ACOT12: variants seen among roughly 807,000 people sequenced by gnomAD.
The protein encoded by ACOT12 is acetyl-coenzyme A thioesterase.
In ACOT12, 51 loss-of-function variants were observed where a neutral mutation model predicts 67.7. That is an observed-to-expected ratio of 0.75 (90% confidence interval 0.60 to 0.95). The LOEUF (loss-of-function observed/expected upper bound fraction) is 0.95, where lower values mean the gene tolerates loss of function less well. Among genes scored for constraint, ACOT12 ranks in the 40% least tolerant of loss-of-function variants. The pLI is 0.00. For synonymous variants in ACOT12, 251 were observed against 244.6 expected, an observed-to-expected ratio of 1.03 and a Z score of -0.24; for missense variants, 734 against 708.1, an observed-to-expected ratio of 1.04 and a Z score of -0.41.
chr5:81,353,220 G>A lies in ACOT12; in HGVS notation c.497-5290C>T, dbSNP rs566713031. 1.1e-4 allele frequency among the ~76,000 whole-genome samples: 17 copies of A among 152,300 alleles called. No homozygotes were observed. The South Asian group carries it at 3.1e-3, about 28-fold the overall frequency. On this transcript the variant is annotated intron_variant, in intron 5 of 14. Coordinates refer to ENST00000307624, the MANE Select transcript of ACOT12 (RefSeq NM_130767.3). The stretch of plus-strand genomic sequence containing the variant: ...CGTGCACCAGCATCAGCTATGATAC[G>A]TATGCAGAAATATATTGAGTTAGAT...
At chr5:81,319,904 A>T in the ACOT12 span, among the ~76,000 whole-genome samples, 37 of 148,398 alleles carry the variant, frequency 2.5e-4, no homozygotes, top group East Asian at 4.4e-3. Flanking sequence ...AAACCTTTTT[A>T]AAAAATATCA....
intron 10 of ACOT12, among the ~76,000 whole-genome samples, chr5:81,343,060 T>C (rs899242852): frequency 6.6e-6 from 1 of 152,122 alleles, no homozygotes; most frequent in African/African-American, 2.4e-5. Flanking sequence ...TGCAAACTTG[T>C]AATCCCAGCT....
chr5:81,358,007 C>CAAAAAAAAAAA (rs777333534), intron 5 of ACOT12, among the ~76,000 whole-genome samples: 1 of 71,038 alleles, frequency 1.4e-5, no homozygotes, highest in Non-Finnish European at 2.9e-5. Flanking sequence ...CCCCATCTCA[C>CAAAAAAAAAAA]AAAAAAAAAA....
chr5:81,343,790 T>C (rs916682183), intron 10 of ACOT12, 28 bp downstream of exon 10: 1 of 1,608,498 alleles, frequency 6.2e-7, no homozygotes, highest in African/African-American at 1.3e-5. Context: ...GACTTTTATA[T>C]GAAGAGCTCC....
At chr5:81,349,215 A>G (rs1759478819) in intron 5 of ACOT12, among the ~76,000 whole-genome samples, 2 of 152,100 alleles carry the variant, frequency 1.3e-5, no homozygotes, top group Non-Finnish European at 2.9e-5. Context: ...TCCTAATGTA[A>G]TTTTTAGATT....
chr5:81,385,126 C>A (rs1183647310), intron 2 of ACOT12, among the ~76,000 whole-genome samples: 1 of 151,974 alleles, frequency 6.6e-6, no homozygotes, highest in East Asian at 1.9e-4. Context: ...ATTAATTATT[C>A]TTCTAGTACA....
chr5:81,357,127 C>G (rs574220787), intron 5 of ACOT12, among the ~76,000 whole-genome samples: 1 of 152,122 alleles, frequency 6.6e-6, no homozygotes, highest in Non-Finnish European at 1.5e-5. Context: ...CTCACTGCTA[C>G]GCAATTCCTC....
intron 6 of ACOT12, among the ~76,000 whole-genome samples, chr5:81,347,390 T>A (rs931042760): frequency 2.6e-5 from 4 of 152,184 alleles, no homozygotes; most frequent in Non-Finnish European, 5.9e-5. Context: ...GGATTATAGG[T>A]GTGAGCCACC....
chr5:81,352,921 T>G (rs1580553126), intron 5 of ACOT12, among the ~76,000 whole-genome samples: 1 of 152,200 alleles, frequency 6.6e-6, no homozygotes, highest in South Asian at 2.1e-4. Flanking sequence ...AGGTGGGAAG[T>G]GAGACGGTAG....
chr5:81,324,696 AT>A, the ACOT12 span, among the ~76,000 whole-genome samples: 1 of 152,184 alleles, frequency 6.6e-6, no homozygotes, highest in African/African-American at 2.4e-5. Context: ...GGAATTAGTG[AT>A]GTAGGAGGGA....
At chr5:81,358,574 G>A (rs931704786) in intron 5 of ACOT12, among the ~76,000 whole-genome samples, 5 of 152,204 alleles carry the variant, frequency 3.3e-5, no homozygotes, top group African/African-American at 9.6e-5. Flanking sequence ...TCTGGGCTGG[G>A]CACAGTGGCT....
the ACOT12 span, among the ~76,000 whole-genome samples, chr5:81,313,811 AG>A: frequency 2.0e-5 from 3 of 152,190 alleles, no homozygotes; most frequent in Non-Finnish European, 1.5e-5. Flanking sequence ...TCTTAATAGG[AG>A]CTGTTCTTTT....
At chr5:81,393,658 A>C (rs1286424544) in intron 1 of ACOT12, among the ~76,000 whole-genome samples, 2 of 151,970 alleles carry the variant, frequency 1.3e-5, no homozygotes, top group Non-Finnish European at 2.9e-5. Context: ...TCGAGGCTGC[A>C]GCGACCTCTG....
intron 13 of ACOT12, 116 bp downstream of exon 13, chr5:81,332,361 T>C: frequency 8.5e-7 from 1 of 1,182,210 alleles, no homozygotes; most frequent in Non-Finnish European, 1.2e-6. Context: ...ATAATTCAAA[T>C]AAACATAATT....
the ACOT12 span, among the ~76,000 whole-genome samples, chr5:81,322,530 G>C: frequency 6.6e-6 from 1 of 151,868 alleles, no homozygotes; most frequent in Non-Finnish European, 1.5e-5. Context: ...GGAAGTTGGC[G>C]TGGGTGGGGG....
the ACOT12 span, among the ~76,000 whole-genome samples, chr5:81,316,663 T>A: frequency 7.2e-5 from 11 of 152,340 alleles, no homozygotes; most frequent in South Asian, 1.0e-3. Context: ...TACCATTCGA[T>A]AATCTAATCA....
At chr5:81,322,529 C>T in the ACOT12 span, among the ~76,000 whole-genome samples, 4 of 150,736 alleles carry the variant, frequency 2.7e-5, no homozygotes, top group African/African-American at 7.3e-5. Context: ...GGGAAGTTGG[C>T]GTGGGTGGGG....
chr5:81,350,560 T>C (rs1243222594), intron 5 of ACOT12, among the ~76,000 whole-genome samples: 1 of 152,218 alleles, frequency 6.6e-6, no homozygotes, highest in Non-Finnish European at 1.5e-5. Context: ...TTGGATCTTT[T>C]TCTGTGGAAA....
rs190054099 is a variant in ACOT12 at position 81,368,990 on chromosome 5, T to G, written c.258+2760A>C. On this transcript the variant is annotated intron_variant, in intron 3 of 14. Transcript: ENST00000307624. Reference sequence around the variant, plus strand: ...TGAGAGAGCTGATTGCAAAGGGGCATAAAGGGGCTTCGTGTAGTGATGGGA... The same window carrying G: ...TGAGAGAGCTGATTGCAAAGGGGCAGAAAGGGGCTTCGTGTAGTGATGGGA... 1.2e-4 allele frequency among the ~76,000 whole-genome samples: 18 copies of G among 152,112 alleles called. No homozygotes were observed. In the East Asian group the frequency reaches 3.3e-3, roughly 28 times the overall value.
Sources: gnomAD v4.1 joint callset for allele counts (sites outside exome capture counted in the v4.1 genomes callset) on GRCh38, gnomAD v4.1.1 for gene constraint, MANE v1.5 for transcripts, NCBI Gene and HGNC (gene_info 2026-07-23, HGNC 2026-07-21) for gene names.